Variants in RASGRF1 observed in about 807,000 individuals in gnomAD.
RASGRF1 encodes Ras protein specific guanine nucleotide releasing factor 1, also known as ras-specific guanine nucleotide-releasing factor 1.
Under a neutral mutation model 138.7 loss-of-function variants are expected in RASGRF1, and 40 were observed. The ratio of observed to expected loss-of-function variants is 0.29; its 90% CI spans 0.22 to 0.38. RASGRF1 has a LOEUF of 0.38. Among genes scored for constraint, RASGRF1 ranks in the 10% least tolerant of loss-of-function variants. The probability of loss-of-function intolerance (pLI) is 1.00; values close to 1 mark genes in which losing one functional copy is unlikely to be tolerated. For missense variants in RASGRF1, 1,108 were observed against 1,650.4 expected (o/e 0.67, Z 5.69); for synonymous variants, 614 against 663.2 (o/e 0.93, Z 1.14).
intron 5 of RASGRF1, among the ~76,000 whole-genome samples, chr15:79,039,851 C>T (rs574989372): frequency 6.6e-6 from 1 of 151,070 alleles, no homozygotes; most frequent in Non-Finnish European, 1.5e-5. Context: ...CTCACTGTAG[C>T]CTCGGCCTCC....
In RASGRF1 at chr15:78,999,865, C is replaced by T. The variant is rs773954107; in HGVS notation, c.2624G>A (p.Arg875His). 2.0e-5 allele frequency: 32 copies of T among 1,614,016 alleles called. No homozygotes were observed. Among genetic ancestry groups the T allele is most frequent in the East Asian group, 4.5e-5 (2 of 44,898 alleles). ...GGCACTGCGGTTATTGTCCAGTTCACGACAGGAGGTCATGACGACTCCATT... is the reference window on the plus strand; with the variant it reads ...GGCACTGCGGTTATTGTCCAGTTCATGACAGGAGGTCATGACGACTCCATT... ...YNNGVVMTSC[R>H]ELDNNRSALS... The change falls in exon 17 of 27, where the codon CGT becomes CAT. Residue 875 changes from arginine (R) to histidine (H), a missense_variant. Around this residue, in one of 3 missense-constraint regions of RASGRF1, gnomAD observed 686 missense variants for 976.7 expected, o/e 0.70. Transcript: ENST00000558480.
chr15:79,056,276 G>T (rs1479145217), intron 3 of RASGRF1, among the ~76,000 whole-genome samples: 1 of 152,216 alleles, frequency 6.6e-6, no homozygotes, highest in African/African-American at 2.4e-5. Flanking sequence ...GTAAGTGAAT[G>T]AATGAATGAC....
intron 26 of RASGRF1, among the ~76,000 whole-genome samples, chr15:78,966,225 ATTTTTTT>A (rs3063545): frequency 4.2e-4 from 46 of 110,724 alleles, no homozygotes; most frequent in Admixed American, 8.8e-4. Context: ...GAGGACTTAA[ATTTTTTT>A]TTTTTTTTTT....
intron 13 of RASGRF1, among the ~76,000 whole-genome samples, chr15:79,009,759 C>T (rs1335542634): frequency 6.6e-6 from 1 of 151,678 alleles, no homozygotes; most frequent in Non-Finnish European, 1.5e-5. Context: ...GACTCCCGCT[C>T]TGTTGCCCAG....
intron 3 of RASGRF1, among the ~76,000 whole-genome samples, chr15:79,056,127 A>G (rs2057507849): frequency 6.6e-6 from 1 of 152,136 alleles, no homozygotes; most frequent in Non-Finnish European, 1.5e-5. Context: ...ATGCGTGGGG[A>G]TGAAAAGGGC....
At chr15:79,033,482 C>T (rs1330664901) in intron 6 of RASGRF1, among the ~76,000 whole-genome samples, 1 of 151,970 alleles carries the variant, frequency 6.6e-6, no homozygotes, top group Non-Finnish European at 1.5e-5. Flanking sequence ...AACTCCTGCC[C>T]TCAAGTGATC....
intron 1 of RASGRF1, among the ~76,000 whole-genome samples, chr15:79,079,277 T>G (rs184377652): frequency 6.6e-6 from 1 of 152,328 alleles, no homozygotes; most frequent in East Asian, 1.9e-4. Context: ...AACAGCCCCT[T>G]TTCTCATACT....
chr15:78,998,907 G>A lies in RASGRF1; in HGVS notation c.2747-82C>T, dbSNP rs187767560. The A allele has an allele frequency of 3.3e-5, 39 of 1,165,800 alleles. No homozygotes were observed. In the East Asian group the frequency reaches 3.8e-4, roughly 11 times the overall value. 72.2% of individuals were successfully genotyped at this position (1,165,800 alleles called of 1,614,324 possible). On this transcript the variant is annotated intron_variant, in intron 17 of 26. Transcript: ENST00000558480. ...TGACACTAGTCTGGATTTGCCTCTC[G>A]GATCTGGCTGAGCTGGGGTGAGTGA...
intron 24 of RASGRF1, among the ~76,000 whole-genome samples, chr15:78,976,010 G>A (rs1180086201): frequency 6.6e-6 from 1 of 152,160 alleles, no homozygotes; most frequent in Non-Finnish European, 1.5e-5. Context: ...GCCGTGGAGT[G>A]CTCTAAGGAT....
At chr15:79,001,559 C>T in intron 16 of RASGRF1, 103 bp downstream of exon 16, 1 of 1,374,906 alleles carries the variant, frequency 7.3e-7, no homozygotes, top group Non-Finnish European at 9.9e-7. Flanking sequence ...AGGAGTCACT[C>T]ATAAAGCATA....
intron 1 of RASGRF1, among the ~76,000 whole-genome samples, chr15:79,066,850 G>A (rs1443548932): frequency 1.3e-5 from 2 of 152,158 alleles, no homozygotes; most frequent in East Asian, 3.9e-4. Flanking sequence ...GACCAGGCAC[G>A]GGGTTCCTGG....
Position 79,006,076 on chromosome 15 carries a change from G to A in RASGRF1, c.2075+110C>T. The A allele has an allele frequency of 1.4e-6, 2 of 1,477,484 alleles. No homozygotes were observed. The highest frequency in any genetic ancestry group is 1.3e-5 in the South Asian group (1 of 79,002). 91.5% of individuals were successfully genotyped at this position (1,477,484 alleles called of 1,614,324 possible). On this transcript the variant is annotated intron_variant, in intron 14 of 26. Transcript: ENST00000558480. The surrounding 1 kb of genome is among the most constrained non-coding windows in gnomAD (Gnocchi z 4.0). ...TCCCGCAGCACCCCAACACGTTACTGCTGCTCCTCCAGGGACCTTCCAGGT... is the reference window on the plus strand; with the variant it reads ...TCCCGCAGCACCCCAACACGTTACTACTGCTCCTCCAGGGACCTTCCAGGT...
At chr15:78,978,802 G>A (rs2055944750) in intron 24 of RASGRF1, 2 of 1,147,274 alleles carry the variant, frequency 1.7e-6, no homozygotes, top group Admixed American at 3.8e-5. Context: ...TCCCTCCTCT[G>A]TGTGCCCTGC....
At chr15:79,013,848 T>C (rs1026400963) in intron 13 of RASGRF1, among the ~76,000 whole-genome samples, 1 of 152,220 alleles carries the variant, frequency 6.6e-6, no homozygotes, top group Non-Finnish European at 1.5e-5. Context: ...CTGGGGATTG[T>C]TCAAACAAAC....
At chr15:79,089,112 T>G (rs2058019147) in intron 1 of RASGRF1, among the ~76,000 whole-genome samples, 1 of 152,210 alleles carries the variant, frequency 6.6e-6, no homozygotes, top group African/African-American at 2.4e-5. Context: ...TTTTGAGATC[T>G]CGGTTGTCTT....
intron 1 of RASGRF1, among the ~76,000 whole-genome samples, chr15:79,075,269 G>C (rs1248776776): frequency 2.0e-5 from 3 of 152,170 alleles, no homozygotes; most frequent in African/African-American, 7.2e-5. Context: ...AATCACATCT[G>C]GGGTTGTGCC....
At chr15:79,057,150 T>C (rs149022857) in intron 3 of RASGRF1, among the ~76,000 whole-genome samples, 185 of 152,300 alleles carry the variant, frequency 1.2e-3, no homozygotes, top group African/African-American at 4.2e-3. Flanking sequence ...CCTCAGCAGA[T>C]GCCTGGGCAT....
chr15:79,069,153 G>A (rs980303408), intron 1 of RASGRF1, among the ~76,000 whole-genome samples: 1 of 152,134 alleles, frequency 6.6e-6, no homozygotes, highest in African/African-American at 2.4e-5. Context: ...GGAAACTCTA[G>A]AACCCTGCAC....
intron 13 of RASGRF1, among the ~76,000 whole-genome samples, chr15:79,014,268 T>C (rs747679817): frequency 3.1e-4 from 47 of 152,144 alleles, no homozygotes; most frequent in Non-Finnish European, 6.3e-4. Context: ...GTAAAAGAAG[T>C]CATTACGCAA....
Sources: gnomAD v4.1 joint callset for allele counts (sites outside exome capture counted in the v4.1 genomes callset) on GRCh38, gnomAD v4.1.1 for gene constraint, gnomAD v4.1.1 regional missense constraint, Gnocchi (gnomAD v3.1) non-coding constraint, MANE v1.5 for transcripts, NCBI Gene and HGNC (gene_info 2026-07-23, HGNC 2026-07-21) for gene names.